The following CHMP4B variants were observed in gnomAD, a reference collection of about 807,000 sequenced individuals.
The protein encoded by CHMP4B is charged multivesicular body protein 4B.
In CHMP4B, 1 loss-of-function variant was observed where a neutral mutation model predicts 25.1. The ratio of observed to expected loss-of-function variants is 0.04; its 90% CI spans 0.01 to 0.19. The LOEUF is 0.19. Ranked by LOEUF, CHMP4B falls within the 10% of genes least tolerant of loss-of-function variation. CHMP4B has a pLI of 1.00. For missense variants in CHMP4B, 151 were observed against 289.7 expected (o/e 0.52, Z 3.48); for synonymous variants, 101 against 115.6 (o/e 0.87, Z 0.81).
At chr20:33,825,511 T>C (rs1038768953) in intron 1 of CHMP4B, among the ~76,000 whole-genome samples, 1 of 152,132 alleles carries the variant, frequency 6.6e-6, no homozygotes, top group Non-Finnish European at 1.5e-5. Context: ...GGTCTGAAAC[T>C]CTGGGCTTTT....
intron 1 of CHMP4B, among the ~76,000 whole-genome samples, chr20:33,826,775 G>A (rs1284270002): frequency 2.0e-5 from 3 of 152,140 alleles, no homozygotes; most frequent in African/African-American, 4.8e-5. Flanking sequence ...GAGTATCTCA[G>A]GTTGCATGTC....
chr20:33,814,096 TG>T (rs1978717264), intron 1 of CHMP4B, among the ~76,000 whole-genome samples: 1 of 152,112 alleles, frequency 6.6e-6, no homozygotes, highest in South Asian at 2.1e-4. Flanking sequence ...CAGCCAACTG[TG>T]GAGGACCAAT....
chr20:33,811,732 C>T, intron 1 of CHMP4B, 74 bp downstream of exon 1: 3 of 1,469,424 alleles, frequency 2.0e-6, no homozygotes, highest in Non-Finnish European at 2.8e-6. Context: ...TCACCTTCAT[C>T]AGACTCGCCT....
At chr20:33,833,785 GT>G (rs1467214587) in intron 1 of CHMP4B, among the ~76,000 whole-genome samples, 1 of 152,116 alleles carries the variant, frequency 6.6e-6, no homozygotes, top group Non-Finnish European at 1.5e-5. Flanking sequence ...CCAAAGGTTA[GT>G]TTCCCCCCTC....
intron 1 of CHMP4B, among the ~76,000 whole-genome samples, chr20:33,818,436 T>G (rs1469870440): frequency 6.6e-6 from 1 of 152,260 alleles, no homozygotes; most frequent in Non-Finnish European, 1.5e-5. Context: ...AACCTCTGAT[T>G]GAACCCCTCT....
intron 1 of CHMP4B, among the ~76,000 whole-genome samples, chr20:33,826,435 A>T (rs367744453): frequency 2.6e-5 from 4 of 152,102 alleles, no homozygotes; most frequent in African/African-American, 9.7e-5. Context: ...GGCCTCCCTG[A>T]GGGGCCCTGG....
chr20:33,853,141 G>A (rs573131932), intron 4 of CHMP4B, among the ~76,000 whole-genome samples: 1 of 152,328 alleles, frequency 6.6e-6, no homozygotes, highest in East Asian at 1.9e-4. Context: ...TTGAGGTGGA[G>A]TTGGGGGTTG....
chr20:33,845,727 C>A (rs115549662), intron 1 of CHMP4B, among the ~76,000 whole-genome samples: 246 of 152,208 alleles, frequency 1.6e-3, no homozygotes, highest in African/African-American at 5.9e-3. Flanking sequence ...CACTTGATCT[C>A]GGAAGGATTC....
intron 1 of CHMP4B, among the ~76,000 whole-genome samples, chr20:33,841,735 C>A (rs79555215): frequency 1.3e-5 from 2 of 152,096 alleles, no homozygotes; most frequent in Non-Finnish European, 2.9e-5. Context: ...TTTTTCCCCC[C>A]CTTCTATCTG....
At position 33,811,376 on chromosome 20, in the gene CHMP4B, G is replaced by T. The variant is rs1054426994; in HGVS notation, c.-93G>T. The T allele has an allele frequency of 1.2e-5, 13 of 1,093,578 alleles. No individual in the cohort carries two copies. Among genetic ancestry groups the T allele is most frequent in the South Asian group, 3.9e-5 (1 of 25,886 alleles). The allele number at this position is 1,093,578 out of a possible 1,614,324, so 67.7% of individuals were successfully genotyped here. Reference sequence around the variant, plus strand: ...GAGGCCTGCGGCGGCAGGGAGCGGCGGGACTGGGAGCGGGCGCCGGAGCCG... The same window carrying T: ...GAGGCCTGCGGCGGCAGGGAGCGGCTGGACTGGGAGCGGGCGCCGGAGCCG... On this transcript the variant is annotated 5_prime_UTR_variant, in exon 1 of 5. Transcript: ENST00000217402.
chr20:33,853,410 C>T (rs1480921918), intron 4 of CHMP4B, 86 bp from the exon 5 acceptor site: 30 of 1,255,566 alleles, frequency 2.4e-5, no homozygotes, highest in Middle Eastern at 3.7e-4. Flanking sequence ...TTGACAGACA[C>T]CATGGAGCAC....
chr20:33,852,330 C>T (rs1034373561), intron 4 of CHMP4B, 127 bp downstream of exon 4: 12 of 1,147,560 alleles, frequency 1.0e-5, no homozygotes, highest in African/African-American at 6.1e-5. Flanking sequence ...GTGTCCTGAG[C>T]TTGCCCAAGA....
intron 1 of CHMP4B, among the ~76,000 whole-genome samples, chr20:33,827,618 T>C (rs1451257839): frequency 6.6e-6 from 1 of 152,240 alleles, no homozygotes; most frequent in Non-Finnish European, 1.5e-5. Flanking sequence ...CTGGAAGGCA[T>C]CTTTTCTGGT....
chr20:33,851,925 T>A (rs887541457), intron 3 of CHMP4B, 152 bp from the exon 4 acceptor site: 29 of 978,480 alleles, frequency 3.0e-5, no homozygotes, highest in Middle Eastern at 6.3e-4. Context: ...CTTTAGGATA[T>A]TTGAATCACA....
At chr20:33,847,953 CATT>C (rs1336540850) in intron 1 of CHMP4B, among the ~76,000 whole-genome samples, 7 of 152,086 alleles carry the variant, frequency 4.6e-5, no homozygotes, top group Admixed American at 2.0e-4. Flanking sequence ...TTGATATAGT[CATT>C]ATATTTATGA....
Position 33,811,445 on chromosome 20 carries a change from A to G in CHMP4B, c.-24A>G, listed in dbSNP as rs558991361. On this transcript the variant is annotated 5_prime_UTR_variant, in exon 1 of 5. Transcript: ENST00000217402. ...CGAGCCGAGCCGGAGCGGGCGGCGAAGGCCGGCGCGGCGAGCAGCAACCAT... is the reference window on the plus strand; with the variant it reads ...CGAGCCGAGCCGGAGCGGGCGGCGAGGGCCGGCGCGGCGAGCAGCAACCAT... 1.3e-6 allele frequency: 2 copies of G among 1,485,052 alleles called. No individual in the cohort carries two copies. Among genetic ancestry groups the G allele is most frequent in the Non-Finnish European group, 9.0e-7 (1 of 1,116,484 alleles). 92.0% of individuals were successfully genotyped at this position (1,485,052 alleles called of 1,614,324 possible).
chr20:33,819,076 A>T (rs1428113501), intron 1 of CHMP4B, among the ~76,000 whole-genome samples: 1 of 151,904 alleles, frequency 6.6e-6, no homozygotes, highest in African/African-American at 2.4e-5. Flanking sequence ...AGCCCAGCTA[A>T]TTTTTTTGTA....
intron 1 of CHMP4B, among the ~76,000 whole-genome samples, chr20:33,827,496 TGTA>T (rs1979128280): frequency 6.6e-6 from 1 of 152,256 alleles, no homozygotes; most frequent in Admixed American, 6.5e-5. Flanking sequence ...CAGGCTGTTT[TGTA>T]GAAGGTACTG....
chr20:33,832,512 A>G (rs914895204), intron 1 of CHMP4B, among the ~76,000 whole-genome samples: 2 of 152,130 alleles, frequency 1.3e-5, no homozygotes, highest in Non-Finnish European at 2.9e-5. Context: ...CTGTCTTTCC[A>G]TGTCTGGGGA....
Sources: gnomAD v4.1 joint callset for allele counts (sites outside exome capture counted in the v4.1 genomes callset) on GRCh38, gnomAD v4.1.1 for gene constraint, MANE v1.5 for transcripts, NCBI Gene and HGNC (gene_info 2026-07-23, HGNC 2026-07-21) for gene names.